The following PUDP variants were observed in gnomAD, a reference collection of about 807,000 sequenced individuals.
The protein encoded by PUDP is pseudouridine 5'-phosphatase.
Under a neutral mutation model 9.4 loss-of-function variants are expected in PUDP, and 8 were observed. That is an observed-to-expected ratio of 0.85 (90% CI 0.50 to 1.53). PUDP has a LOEUF of 1.53. PUDP is among the 40% of genes most tolerant of loss of function. The pLI is 0.00. For synonymous variants in PUDP, 99 were observed against 80.7 expected (o/e 1.23, Z -1.22); for missense variants, 188 against 189.7 (o/e 0.99, Z 0.05).
At chrX:6,991,673 T>C (rs1929179149) in intron 1 of PUDP, among the ~76,000 whole-genome samples, 1 of 81,237 alleles carries the variant, frequency 1.2e-5, no homozygotes, top group Non-Finnish European at 2.5e-5. Context: ...TAAGACCTTG[T>C]CTCAAAAAAA....
At chrX:6,706,422 T>A (rs1334711189) in exon 2 of PUDP, 2 of 111,908 alleles carry the variant, frequency 1.8e-5, no homozygotes, top group African/African-American at 6.5e-5. Context: ...GAGCCACGAT[T>A]GTGCCACTGC....
At chrX:7,041,501 T>TC (rs761185064) in intron 1 of PUDP, among the ~76,000 whole-genome samples, 1 of 112,332 alleles carries the variant, frequency 8.9e-6, no homozygotes, top group Admixed American at 9.4e-5. Context: ...TTAAACTCTG[T>TC]CCATCTCATC....
At position 7,073,732 on chromosome X, in the gene PUDP, A is replaced by G. The variant is rs113045176; in HGVS notation, c.510+3488T>C. 3.9e-3 allele frequency among the ~76,000 whole-genome samples: 441 copies of G among 113,041 alleles called. 2 individuals carry two copies. The highest frequency in any genetic ancestry group is 0.014 in the African/African-American group (424 of 31,160). ...GCACATCACAGGAGGAAGACCCACA[A>G]TGTGTCACTGTCTCTAAGTAAGAAG... On this transcript the variant is annotated intron_variant, in intron 3 of 3. Coordinates refer to ENST00000381077, the MANE Select transcript of PUDP (RefSeq NM_012080.5).
chrX:6,829,400 C>T (rs1352192405), intron 3 of PUDP, among the ~76,000 whole-genome samples: 2 of 111,411 alleles, frequency 1.8e-5, no homozygotes, highest in African/African-American at 6.5e-5. Flanking sequence ...ATTGCTGGAT[C>T]GTAGGATAAG....
At chrX:7,025,694 G>A (rs1191194275) in intron 1 of PUDP, among the ~76,000 whole-genome samples, 1 of 112,100 alleles carries the variant, frequency 8.9e-6, no homozygotes, top group African/African-American at 3.2e-5. Context: ...CCCCAAGGGA[G>A]ACAAGCTTGT....
intron 3 of PUDP, among the ~76,000 whole-genome samples, chrX:6,768,235 G>A (rs746537309): frequency 5.4e-5 from 6 of 111,814 alleles, no homozygotes; most frequent in Non-Finnish European, 1.1e-4. Flanking sequence ...GGCACTGGCA[G>A]TTGATGGGTT....
intron 3 of PUDP, among the ~76,000 whole-genome samples, chrX:6,885,619 C>G (rs759590862): frequency 2.2e-4 from 25 of 112,223 alleles, no homozygotes; most frequent in African/African-American, 7.8e-4. Context: ...GGAATCCAGC[C>G]TTACTCATTG....
chrX:6,732,335 C>G (rs1924819192), intron 3 of PUDP, among the ~76,000 whole-genome samples: 1 of 111,044 alleles, frequency 9.0e-6, no homozygotes, highest in Non-Finnish European at 1.9e-5. Context: ...AGGTTTAGAA[C>G]TGTTTTCCTT....
At position 7,050,386 on chromosome X, in the gene PUDP, C is replaced by T. The variant is rs1471867887; in HGVS notation, c.597G>A (p.Leu199=). The T allele has an allele frequency of 2.5e-6, 3 of 1,211,173 alleles. No homozygotes were observed. The highest frequency in any genetic ancestry group is 3.4e-6 in the Non-Finnish European group (3 of 895,091). The change falls in exon 4 of 4, where the codon TTG becomes TTA. Residue 199 remains leucine, a synonymous_variant. Transcript: ENST00000381077. ...TGGCCTTTGTTGTCAGATCTCGGCT[C>T]AAGTTTCCGTCAGGAACCATGACCA... ...MQVVMVPDGN[L]SRDLTTKATL...
intron 3 of PUDP, among the ~76,000 whole-genome samples, chrX:6,730,816 C>T (rs180918691): frequency 8.9e-6 from 1 of 111,973 alleles, no homozygotes; most frequent in East Asian, 2.8e-4. Flanking sequence ...AGAAGTGAGG[C>T]ACCAAGTGAC....
chrX:7,054,223 A>C (rs1295011553), intron 3 of PUDP, among the ~76,000 whole-genome samples: 2 of 111,331 alleles, frequency 1.8e-5, no homozygotes, highest in Non-Finnish European at 3.8e-5. Flanking sequence ...AGCCTGGCCA[A>C]CATGGTAAAA....
chrX:6,900,151 C>T (rs1927653152), intron 3 of PUDP, among the ~76,000 whole-genome samples: 2 of 110,937 alleles, frequency 1.8e-5, no homozygotes, highest in Non-Finnish European at 3.8e-5. Context: ...GAGTTTGAGG[C>T]TGTAGTGAGC....
intron 3 of PUDP, among the ~76,000 whole-genome samples, chrX:6,916,781 G>T (rs1602672054): frequency 8.9e-6 from 1 of 112,060 alleles, no homozygotes; most frequent in East Asian, 2.8e-4. Flanking sequence ...TGATTTTGAT[G>T]TCTTTCCTTC....
intron 1 of PUDP, among the ~76,000 whole-genome samples, chrX:7,123,724 CT>C (rs1180661340): frequency 9.0e-6 from 1 of 111,506 alleles, no homozygotes; most frequent in East Asian, 2.8e-4. Flanking sequence ...CCAAAGAGAG[CT>C]GAAGTAGCTA....
intron 1 of PUDP, among the ~76,000 whole-genome samples, chrX:7,112,748 AC>A (rs760705230): frequency 9.1e-6 from 1 of 109,958 alleles, no homozygotes; most frequent in African/African-American, 3.3e-5. Flanking sequence ...TGCAGCCCTG[AC>A]CCCCCGGGCT....
intron 1 of PUDP, among the ~76,000 whole-genome samples, chrX:6,715,431 A>G (rs1162924278): frequency 8.9e-6 from 1 of 112,051 alleles, no homozygotes; most frequent in Non-Finnish European, 1.9e-5. Flanking sequence ...AGAGAAAAAG[A>G]TGCATAGAAG....
At chrX:7,055,487 C>T (rs1930214969) in intron 3 of PUDP, among the ~76,000 whole-genome samples, 1 of 111,149 alleles carries the variant, frequency 9.0e-6, no homozygotes, top group Admixed American at 9.5e-5. Flanking sequence ...AACTCTTGAC[C>T]TCAACTGATC....
intron 1 of PUDP, among the ~76,000 whole-genome samples, chrX:7,016,759 G>A (rs916737645): frequency 1.8e-4 from 20 of 110,824 alleles, no homozygotes; most frequent in African/African-American, 6.3e-4. Context: ...ACAGTGGGGA[G>A]GTCAAGGCTG....
At chrX:7,005,176 T>G (rs1443701106) in intron 1 of PUDP, among the ~76,000 whole-genome samples, 1 of 109,884 alleles carries the variant, frequency 9.1e-6, no homozygotes, top group Non-Finnish European at 1.9e-5. Flanking sequence ...CTAAGTAAAC[T>G]GATGGCCATT....
Sources: allele counts gnomAD v4.1 joint callset (sites outside exome capture counted in the v4.1 genomes callset), GRCh38; gene constraint gnomAD v4.1.1; transcripts MANE v1.5; gene names NCBI Gene and HGNC (gene_info 2026-07-23, HGNC 2026-07-21).